TIAM1: variants seen among roughly 807,000 people sequenced by gnomAD.
The protein encoded by TIAM1 is rho guanine nucleotide exchange factor TIAM1.
A neutral mutation model predicts 163.5 loss-of-function variants in TIAM1; 65 were observed. The observed-to-expected ratio is 0.40, with a 90% confidence interval of 0.33 to 0.49. TIAM1 has a LOEUF of 0.49. Ranked by LOEUF, TIAM1 falls within the 20% of genes least tolerant of loss-of-function variation. TIAM1 has a pLI of 0.77. For missense variants in TIAM1, 1,789 were observed against 2,044.7 expected, an observed-to-expected ratio of 0.87 and a Z score of 2.41; for synonymous variants, 833 against 810.1, an observed-to-expected ratio of 1.03 and a Z score of -0.48.
intron 2 of TIAM1, among the ~76,000 whole-genome samples, chr21:31,442,713 A>G (rs1263379516): frequency 6.6e-6 from 1 of 152,220 alleles, no homozygotes; most frequent in African/African-American, 2.4e-5. Flanking sequence ...GGATAAGCCA[A>G]AGAGAGGATG....
chr21:31,486,101 T>G (rs537581814), intron 1 of TIAM1, among the ~76,000 whole-genome samples: 1 of 152,274 alleles, frequency 6.6e-6, no homozygotes, highest in Non-Finnish European at 1.5e-5. Context: ...CACCTGAGGA[T>G]TCACCATTCA....
intron 2 of TIAM1, among the ~76,000 whole-genome samples, chr21:31,390,035 A>G (rs1005872342): frequency 1.3e-5 from 2 of 152,342 alleles, no homozygotes; most frequent in East Asian, 1.9e-4. Context: ...ATATTTTTAA[A>G]AAATCTATTA....
At chr21:31,531,612 G>A (rs1234744781) in intron 1 of TIAM1, among the ~76,000 whole-genome samples, 3 of 151,992 alleles carry the variant, frequency 2.0e-5, no homozygotes, top group Non-Finnish European at 4.4e-5. Flanking sequence ...GAAAGAAATG[G>A]AAAAAGGAGG....
chr21:31,387,741 T>C (rs1255405104), intron 2 of TIAM1, among the ~76,000 whole-genome samples: 4 of 152,020 alleles, frequency 2.6e-5, no homozygotes, highest in East Asian at 1.9e-4. Flanking sequence ...TGGCCGTGCA[T>C]AGTGGCCCGT....
chr21:31,210,431 C>T (rs922737678), intron 10 of TIAM1, among the ~76,000 whole-genome samples: 4 of 150,564 alleles, frequency 2.7e-5, no homozygotes, highest in African/African-American at 4.9e-5. Context: ...AGCTGTGAGG[C>T]AGGCTTCACA....
intron 2 of TIAM1, among the ~76,000 whole-genome samples, chr21:31,282,613 A>G (rs1375888078): frequency 1.3e-5 from 2 of 152,192 alleles, no homozygotes; most frequent in Non-Finnish European, 2.9e-5. Context: ...GTGAAAGCTG[A>G]GATAGCAATA....
At chr21:31,367,984 C>T (rs2076529084) in intron 2 of TIAM1, among the ~76,000 whole-genome samples, 1 of 152,096 alleles carries the variant, frequency 6.6e-6, no homozygotes, top group African/African-American at 2.4e-5. Flanking sequence ...ATGAGCTGAA[C>T]CCAAAAATAG....
chr21:31,294,677 G>A (rs1187018697), intron 2 of TIAM1, among the ~76,000 whole-genome samples: 1 of 152,232 alleles, frequency 6.6e-6, no homozygotes, highest in Non-Finnish European at 1.5e-5. Flanking sequence ...CATCATTAAT[G>A]TAGAGATTTA....
chr21:31,246,361 A>G (rs2071502303), intron 5 of TIAM1, among the ~76,000 whole-genome samples: 1 of 152,206 alleles, frequency 6.6e-6, no homozygotes, highest in Non-Finnish European at 1.5e-5. Flanking sequence ...TAGTAGCAAC[A>G]GAATATTTTA....
At chr21:31,267,076 G>A in intron 3 of TIAM1, 93 bp from the exon 4 acceptor site, 1 of 1,485,440 alleles carries the variant, frequency 6.7e-7, no homozygotes, top group South Asian at 1.4e-5. Context: ...AGGGAGGGCA[G>A]AACACCTTGG....
rs563177112 is a variant in TIAM1, at chr21:31,313,787, G to A, written c.-189+25456C>T. On this transcript the variant is annotated intron_variant, in intron 2 of 27. Coordinates refer to ENST00000541036, the MANE Select transcript of TIAM1 (RefSeq NM_001353694.2). The stretch of plus-strand genomic sequence containing the variant: ...AGACGCGGTTTCACCATGTTGGCCA[G>A]GCTGATCTCAAACTCCTGACCTCAA... Among the ~76,000 whole-genome samples the A allele has an allele frequency of 6.2e-3, 948 of 152,254 alleles. 8 individuals carry two copies. Among genetic ancestry groups the A allele is most frequent in the African/African-American group, 0.022 (916 of 41,558 alleles).
At chr21:31,145,883 TAACAAAATGATGTTG>T (rs2083084767) in intron 20 of TIAM1, among the ~76,000 whole-genome samples, 1 of 152,164 alleles carries the variant, frequency 6.6e-6, no homozygotes, top group African/African-American at 2.4e-5. Flanking sequence ...ATCAACATTA[TAACAAAATGATGTTG>T]AACAAAATGA....
At chr21:31,295,778 A>C (rs2074236614) in intron 2 of TIAM1, among the ~76,000 whole-genome samples, 1 of 152,150 alleles carries the variant, frequency 6.6e-6, no homozygotes. Flanking sequence ...GAGAATATGC[A>C]CATTAGGATT....
chr21:31,119,107 T>TAA lies in TIAM1; in HGVS notation c.*1259_*1260dup, dbSNP rs1555847176. On this transcript the variant is annotated 3_prime_UTR_variant, in exon 28 of 28. Transcript: ENST00000541036. ...AAAGAAAAAGCTATAAACCTTTTTTTAAAAAAAAAAAAAAAATTGAAAGTG... is the reference window on the plus strand; with the variant it reads ...AAAGAAAAAGCTATAAACCTTTTTTTAAAAAAAAAAAAAAAAAATTGAAAGTG... 3.2e-3 allele frequency: 461 copies of TAA among 146,064 alleles called. 1 individual carries two copies. Among genetic ancestry groups the TAA allele is most frequent in the African/African-American group, 0.011 (424 of 40,262 alleles). The allele number at this position is 146,064 out of a possible 1,614,324, so 9.0% of individuals were successfully genotyped here.
chr21:31,448,343 G>A, intron 2 of TIAM1, among the ~76,000 whole-genome samples: 1 of 152,172 alleles, frequency 6.6e-6, no homozygotes, highest in Non-Finnish European at 1.5e-5. Context: ...GGTGGCTCAT[G>A]CCTGTAATCC....
intron 1 of TIAM1, among the ~76,000 whole-genome samples, chr21:31,547,572 CCA>C (rs1876687923): frequency 6.6e-6 from 1 of 152,126 alleles, no homozygotes; most frequent in Non-Finnish European, 1.5e-5. Flanking sequence ...TAACTAAGAA[CCA>C]CAGTTACAAG....
rs367867564 is a variant in TIAM1 at position 31,197,524 on chromosome 21, C to T, written c.2494-2219G>A. 1.3e-4 allele frequency among the ~76,000 whole-genome samples: 19 copies of T among 149,846 alleles called. No homozygotes were observed. The East Asian group carries it at 3.3e-3, about 26-fold the overall frequency. The stretch of plus-strand genomic sequence containing the variant: ...CCGAGTAGCTGGGACTACAGGCGCC[C>T]GCCACCGCGCCCGGCTTTTTTTTTT... On this transcript the variant is annotated intron_variant, in intron 12 of 27. Transcript: ENST00000541036.
chr21:31,169,552 A>G (rs916910849), intron 15 of TIAM1, among the ~76,000 whole-genome samples: 2 of 152,184 alleles, frequency 1.3e-5, no homozygotes, highest in African/African-American at 4.8e-5. Context: ...AATATCATCC[A>G]CGAAGGAGAC....
chr21:31,399,566 G>A (rs41402144), intron 2 of TIAM1, among the ~76,000 whole-genome samples: 2,471 of 152,246 alleles, frequency 0.016, 41 homozygotes, highest in African/African-American at 0.044. Context: ...ATTGCTCACA[G>A]CAAAGGTTGC....
Sources: gnomAD v4.1 joint callset for allele counts (sites outside exome capture counted in the v4.1 genomes callset) on GRCh38, gnomAD v4.1.1 for gene constraint, MANE v1.5 for transcripts, NCBI Gene and HGNC (gene_info 2026-07-23, HGNC 2026-07-21) for gene names.